The following SLC16A7 variants were observed in gnomAD, a reference collection of about 807,000 sequenced individuals.
SLC16A7 encodes the protein monocarboxylate transporter 2.
A neutral mutation model predicts 34.9 loss-of-function variants in SLC16A7; 33 were observed. That is an observed-to-expected ratio of 0.94 (90% CI 0.72 to 1.26). The LOEUF (loss-of-function observed/expected upper bound fraction) is 1.26. Among genes scored for constraint, SLC16A7 ranks in the 50% most tolerant of loss-of-function variants. The probability of loss-of-function intolerance (pLI) is 0.00; values close to 1 mark genes in which losing one functional copy is unlikely to be tolerated. For synonymous variants in SLC16A7, 201 were observed against 206.6 expected (o/e 0.97, Z 0.23); for missense variants, 573 against 578.1 (o/e 0.99, Z 0.09).
intron 3 of SLC16A7, chr12:59,720,258 C>T: frequency 3.9e-6 from 2 of 512,390 alleles, no homozygotes; most frequent in South Asian, 6.2e-5. Context: ...AGGTCTTTTT[C>T]TTTTTTTAAG....
intron 3 of SLC16A7, among the ~76,000 whole-genome samples, chr12:59,754,883 C>G (rs567806737): frequency 0.039 from 5,937 of 152,120 alleles, 370 homozygotes; most frequent in African/African-American, 0.14. Flanking sequence ...AACGAATCCA[C>G]CAGCACATCA....
chr12:59,612,806 A>C (rs1368387035), intron 1 of SLC16A7, among the ~76,000 whole-genome samples: 1 of 152,178 alleles, frequency 6.6e-6, no homozygotes, highest in Non-Finnish European at 1.5e-5. Context: ...GTTCCCAAAA[A>C]GTTCCTCATC....
intron 1 of SLC16A7, among the ~76,000 whole-genome samples, chr12:59,627,814 A>C (rs952404838): frequency 4.6e-5 from 7 of 151,418 alleles, no homozygotes; most frequent in African/African-American, 1.7e-4. Flanking sequence ...TTCTAGGCCT[A>C]CAACTTGTTG....
At chr12:59,685,087 G>A (rs1308620380) in intron 2 of SLC16A7, among the ~76,000 whole-genome samples, 1 of 152,116 alleles carries the variant, frequency 6.6e-6, no homozygotes, top group Non-Finnish European at 1.5e-5. Context: ...TCTTTTCTCT[G>A]TGTTTAGGAT....
At chr12:59,603,958 A>G (rs1878813407) in intron 1 of SLC16A7, among the ~76,000 whole-genome samples, 1 of 152,228 alleles carries the variant, frequency 6.6e-6, no homozygotes, top group Non-Finnish European at 1.5e-5. Context: ...CTGGGGCCAC[A>G]TGAAATGAAT....
intron 2 of SLC16A7, among the ~76,000 whole-genome samples, chr12:59,691,805 A>C (rs1240805959): frequency 6.6e-6 from 1 of 152,052 alleles, no homozygotes; most frequent in East Asian, 1.9e-4. Context: ...ACATTTTCTA[A>C]TGACTTTCAG....
chr12:59,672,407 A>G (rs925786476), intron 2 of SLC16A7, among the ~76,000 whole-genome samples: 4 of 150,882 alleles, frequency 2.7e-5, no homozygotes, highest in African/African-American at 7.3e-5. Flanking sequence ...CTAGGCCTGT[A>G]TCAGTGAGAC....
chr12:59,640,757 C>T lies in SLC16A7; in HGVS notation c.-129-14395C>T, dbSNP rs972901337. On this transcript the variant is annotated intron_variant, in intron 1 of 5. Coordinates refer to ENST00000547379, the MANE Select transcript of SLC16A7 (RefSeq NM_001270623.2). ...TGCCATGTATTAAAAACTGAAAATA[C>T]CCATCCTTCATCTTGGAAGCCTCAT... Among the ~76,000 whole-genome samples the T allele has an allele frequency of 1.3e-4, 19 of 151,860 alleles. 1 individual carries two copies. Among genetic ancestry groups the T allele is most frequent in the Non-Finnish European group, 1.0e-4 (7 of 67,972 alleles).
intron 2 of SLC16A7, among the ~76,000 whole-genome samples, chr12:59,665,865 C>T (rs576054075): frequency 4.7e-5 from 7 of 150,032 alleles, no homozygotes; most frequent in African/African-American, 1.7e-4. Flanking sequence ...TGTCTTGGTT[C>T]TTTCTAAAGT....
At chr12:59,735,670 T>C (rs1295831722) in intron 3 of SLC16A7, among the ~76,000 whole-genome samples, 2 of 152,212 alleles carry the variant, frequency 1.3e-5, no homozygotes, top group African/African-American at 2.4e-5. Context: ...CATAGGTAAC[T>C]GTGGGGTATT....
In SLC16A7 at chr12:59,624,621, A is replaced by G. The variant is rs573526707; in HGVS notation, c.-130+28385A>G. 7.0e-4 allele frequency among the ~76,000 whole-genome samples: 107 copies of G among 151,936 alleles called. 1 individual carries two copies. The highest frequency in any genetic ancestry group is 3.1e-3 in the Admixed American group (47 of 15,210). On this transcript the variant is annotated intron_variant, in intron 1 of 5. Coordinates refer to ENST00000547379, the MANE Select transcript of SLC16A7 (RefSeq NM_001270623.2). ...ACATGTTTTGAATCACCTTTGTAAT[A>G]TAAAATTGGTAATATGAAATTGGAA...
chr12:59,761,564 A>G (rs1881017009), intron 3 of SLC16A7, among the ~76,000 whole-genome samples: 1 of 152,152 alleles, frequency 6.6e-6, no homozygotes, highest in South Asian at 2.1e-4. Flanking sequence ...AACTAATCAC[A>G]ATGATACCAA....
chr12:59,708,332 T>TA (rs1458114686), intron 3 of SLC16A7, among the ~76,000 whole-genome samples: 1 of 152,124 alleles, frequency 6.6e-6, no homozygotes, highest in African/African-American at 2.4e-5. Context: ...TTTCTGTTGT[T>TA]AGAGTTCAGA....
chr12:59,704,179 C>A (rs1244076879), intron 2 of SLC16A7, among the ~76,000 whole-genome samples: 1 of 122,948 alleles, frequency 8.1e-6, no homozygotes, highest in Non-Finnish European at 1.6e-5. Context: ...CAACCTGGGC[C>A]ACAGAGTGAG....
chr12:59,600,749 G>T (rs911326433), intron 1 of SLC16A7, among the ~76,000 whole-genome samples: 1 of 152,170 alleles, frequency 6.6e-6, no homozygotes, highest in East Asian at 1.9e-4. Flanking sequence ...AGTCCAGCTG[G>T]AGCTGGACTA....
chr12:59,755,776 C>G (rs1338189727), intron 3 of SLC16A7, among the ~76,000 whole-genome samples: 1 of 152,060 alleles, frequency 6.6e-6, no homozygotes, highest in Non-Finnish European at 1.5e-5. Flanking sequence ...CATATGGAAC[C>G]AAAAAGGAGC....
chr12:59,776,603 G>C (rs1036411653), intron 5 of SLC16A7, among the ~76,000 whole-genome samples: 3 of 152,072 alleles, frequency 2.0e-5, no homozygotes, highest in African/African-American at 7.2e-5. Context: ...TTTTCTACAT[G>C]ACATCAAGGA....
At chr12:59,606,672 C>G (rs191096241) in intron 1 of SLC16A7, among the ~76,000 whole-genome samples, 162 of 152,248 alleles carry the variant, frequency 1.1e-3, no homozygotes, top group African/African-American at 3.4e-3. Context: ...ACAACTAGAT[C>G]TTGGCTCCCA....
intron 1 of SLC16A7, among the ~76,000 whole-genome samples, chr12:59,613,948 C>T (rs188638252): frequency 7.9e-5 from 12 of 152,096 alleles, no homozygotes; most frequent in African/African-American, 2.9e-4. Context: ...TGAACAGTAA[C>T]ACTGTTAAAA....
Sources: gnomAD v4.1 joint callset for allele counts (sites outside exome capture counted in the v4.1 genomes callset) on GRCh38, gnomAD v4.1.1 for gene constraint, MANE v1.5 for transcripts, NCBI Gene and HGNC (gene_info 2026-07-23, HGNC 2026-07-21) for gene names.